C2CD5: variants seen among roughly 807,000 people sequenced by gnomAD.
C2CD5 encodes C2 domain-containing protein 5.
Under a neutral mutation model 130.3 loss-of-function variants are expected in C2CD5, and 109 were observed. The observed-to-expected ratio is 0.84, with a 90% CI of 0.72 to 0.98. The LOEUF (loss-of-function observed/expected upper bound fraction) is 0.98. C2CD5 is among the 50% of genes least tolerant of loss of function. The probability of loss-of-function intolerance (pLI) is 0.00; values close to 1 mark genes in which losing one functional copy is unlikely to be tolerated. For missense variants in C2CD5, 996 were observed against 1,261.8 expected (o/e 0.79, Z 3.19); for synonymous variants, 454 against 429.2 (o/e 1.06, Z -0.71).
chr12:22,536,226 G>C (rs1230057348), intron 2 of C2CD5, among the ~76,000 whole-genome samples: 1 of 151,930 alleles, frequency 6.6e-6, no homozygotes, highest in Non-Finnish European at 1.5e-5. Context: ...ACAAGAAATA[G>C]TAACAATGGC....
intron 22 of C2CD5, among the ~76,000 whole-genome samples, chr12:22,461,979 A>G (rs886093765): frequency 1.3e-5 from 2 of 152,176 alleles, no homozygotes; most frequent in Admixed American, 1.3e-4. Context: ...ACTGGTTTGA[A>G]TACCTCAAAT....
At chr12:22,505,614 C>G (rs1479508864) in intron 10 of C2CD5, among the ~76,000 whole-genome samples, 1 of 152,074 alleles carries the variant, frequency 6.6e-6, no homozygotes, top group African/African-American at 2.4e-5. Flanking sequence ...GATTGAGCAT[C>G]TAGTCAATGA....
chr12:22,471,553 T>C, intron 19 of C2CD5, 65 bp from the exon 20 acceptor site: 1 of 856,854 alleles, frequency 1.2e-6, no homozygotes, highest in South Asian at 1.9e-5. Flanking sequence ...GCTGATTTTT[T>C]TAATGTACAT....
chr12:22,458,307 A>T (rs982364823), intron 24 of C2CD5, among the ~76,000 whole-genome samples, 177 bp downstream of exon 24: 23 of 152,196 alleles, frequency 1.5e-4, no homozygotes, highest in African/African-American at 5.5e-4. Context: ...AAAACTAATA[A>T]ATCTAAAGGC....
At chr12:22,541,622 T>A (rs12301904) in intron 2 of C2CD5, among the ~76,000 whole-genome samples, 5,895 of 152,214 alleles carry the variant, frequency 0.039, 384 homozygotes, top group African/African-American at 0.13. Context: ...CCCACTCCCC[T>A]ACACACACAA....
chr12:22,534,797 G>C (rs1951669212), intron 3 of C2CD5: 1 of 154,320 alleles, frequency 6.5e-6, no homozygotes, highest in Non-Finnish European at 1.4e-5. Flanking sequence ...TTATTGGTTA[G>C]TGAGTACACA....
intron 4 of C2CD5, among the ~76,000 whole-genome samples, chr12:22,526,317 G>A (rs1384703435): frequency 2.0e-5 from 3 of 152,110 alleles, no homozygotes; most frequent in Non-Finnish European, 4.4e-5. Context: ...ACTGATACAC[G>A]ATGTACTAAA....
chr12:22,477,559 T>C (rs1401552298), intron 15 of C2CD5, among the ~76,000 whole-genome samples: 4 of 152,138 alleles, frequency 2.6e-5, no homozygotes, highest in African/African-American at 9.7e-5. Flanking sequence ...ATGTGCACAA[T>C]GTGCAGGTTT....
rs893939764 is a variant in C2CD5 at position 22,469,305 on chromosome 12, G to GA, written c.2533+403dup. ...TCAAAACCTCTTCATGTATCTTCTG[G>GA]AAAAAAAAAAGCATTCTGTTGTGCA... On this transcript the variant is annotated intron_variant, in intron 22 of 26. Coordinates refer to ENST00000446597, the MANE Select transcript of C2CD5 (RefSeq NM_001286176.2). Among the ~76,000 whole-genome samples the GA allele has an allele frequency of 3.6e-4, 52 of 145,856 alleles. No individual in the cohort carries two copies. In the East Asian group the frequency reaches 3.8e-3, roughly 11 times the overall value.
At chr12:22,516,821 T>C (rs1949767962) in intron 8 of C2CD5, among the ~76,000 whole-genome samples, 1 of 151,638 alleles carries the variant, frequency 6.6e-6, no homozygotes, top group Non-Finnish European at 1.5e-5. Flanking sequence ...AAAAAAAAAA[T>C]CTTTTTTCAC....
intron 10 of C2CD5, among the ~76,000 whole-genome samples, chr12:22,500,146 T>C (rs1295954987): frequency 3.3e-5 from 5 of 151,962 alleles, no homozygotes; most frequent in Non-Finnish European, 5.9e-5. Flanking sequence ...ATCACGCCAC[T>C]GAACTCCAGC....
intron 10 of C2CD5, among the ~76,000 whole-genome samples, chr12:22,495,380 A>G (rs1247252570): frequency 6.6e-6 from 1 of 152,128 alleles, no homozygotes; most frequent in Non-Finnish European, 1.5e-5. Flanking sequence ...AGTTCTACAT[A>G]TATTTATTTT....
intron 9 of C2CD5, 126 bp downstream of exon 9, chr12:22,513,168 C>A (rs933212301): frequency 1.3e-5 from 8 of 599,206 alleles, no homozygotes; most frequent in Non-Finnish European, 2.0e-5. Context: ...CCATTTTGGA[C>A]TTCAAAACTG....
At chr12:22,475,950 T>G (rs372025724) in intron 15 of C2CD5, among the ~76,000 whole-genome samples, 1 of 152,126 alleles carries the variant, frequency 6.6e-6, no homozygotes, top group Admixed American at 6.6e-5. Flanking sequence ...TCCCACTAGA[T>G]ACCACACTAC....
intron 7 of C2CD5, 91 bp from the exon 8 acceptor site, chr12:22,518,228 G>A (rs1949949353): frequency 2.5e-6 from 3 of 1,218,572 alleles, no homozygotes; most frequent in Non-Finnish European, 3.6e-6. Context: ...AAAGAATTGG[G>A]GCAGGGCCAG....
Position 22,474,026 on chromosome 12 carries a change from G to A in C2CD5, c.2043+725C>T, listed in dbSNP as rs578070643. On this transcript the variant is annotated intron_variant, in intron 16 of 26. Transcript: ENST00000446597. ...GATCCTTGTTACAGCCACTGGCACC[G>A]TTCCTGACTCTTTAAACCTCCAATC... Among the ~76,000 whole-genome samples the A allele has an allele frequency of 3.3e-5, 5 of 152,166 alleles. No homozygotes were observed. The East Asian group carries it at 5.8e-4, about 18-fold the overall frequency.
intron 2 of C2CD5, among the ~76,000 whole-genome samples, chr12:22,540,754 G>A (rs1398712045): frequency 6.6e-6 from 1 of 152,180 alleles, no homozygotes; most frequent in Non-Finnish European, 1.5e-5. Flanking sequence ...AGCTACTCTG[G>A]AGGCTGAGGC....
intron 12 of C2CD5, among the ~76,000 whole-genome samples, chr12:22,488,044 TG>T (rs1945787892): frequency 3.1e-5 from 1 of 32,346 alleles, no homozygotes; most frequent in African/African-American, 1.3e-4. Flanking sequence ...GGGCCTGTTG[TG>T]GGGTAGGGGG....
At chr12:22,472,904 A>G in intron 16 of C2CD5, 97 bp from the exon 17 acceptor site, 1 of 726,190 alleles carries the variant, frequency 1.4e-6, no homozygotes, top group Admixed American at 2.4e-5. Flanking sequence ...AGGCAGAGTC[A>G]TTTTTCCTAA....
Sources: allele counts gnomAD v4.1 joint callset (sites outside exome capture counted in the v4.1 genomes callset), GRCh38; gene constraint gnomAD v4.1.1; transcripts MANE v1.5; gene names NCBI Gene and HGNC (gene_info 2026-07-23, HGNC 2026-07-21).